The following C10orf90 variants were observed in gnomAD, a reference collection of about 807,000 sequenced individuals.
C10orf90 encodes the protein chromosome 10 open reading frame 90.
A neutral mutation model predicts 62.5 loss-of-function variants in C10orf90; 56 were observed. The ratio of observed to expected loss-of-function variants is 0.90; its 90% CI spans 0.72 to 1.12. C10orf90 has a LOEUF of 1.12. Ranked by LOEUF, C10orf90 falls within the 50% of genes most tolerant of loss-of-function variation. The probability of loss-of-function intolerance (pLI) is 0.00; values close to 1 mark genes in which losing one functional copy is unlikely to be tolerated. For missense variants in C10orf90, 970 were observed against 880.4 expected (o/e 1.10, Z -1.29); for synonymous variants, 386 against 340.4 (o/e 1.13, Z -1.47).
intron 2 of C10orf90, among the ~76,000 whole-genome samples, chr10:126,592,602 C>G (rs11817770): frequency 0.1 from 15,289 of 152,144 alleles, 1,166 homozygotes; most frequent in African/African-American, 0.21. Context: ...AGAAGAAAAC[C>G]TAGGCAATAC....
intron 7 of C10orf90, among the ~76,000 whole-genome samples, chr10:126,448,056 G>C (rs965501734): frequency 8.6e-6 from 1 of 115,832 alleles, no homozygotes; most frequent in African/African-American, 3.3e-5. Flanking sequence ...ATTTTTAGTA[G>C]AGACGGGGTT....
chr10:126,626,134 A>G (rs970259369), intron 2 of C10orf90, among the ~76,000 whole-genome samples: 40 of 151,198 alleles, frequency 2.6e-4, no homozygotes, highest in Non-Finnish European at 4.1e-4. Context: ...ATCTCAAAAA[A>G]AAAAAAAAAA....
chr10:126,650,544 C>A (rs1310164919), intron 1 of C10orf90, among the ~76,000 whole-genome samples: 1 of 152,038 alleles, frequency 6.6e-6, no homozygotes, highest in South Asian at 2.1e-4. Context: ...CAAAGTCACA[C>A]CCCCCTAGTA....
chr10:126,493,142 G>T (rs543795963), intron 4 of C10orf90, among the ~76,000 whole-genome samples: 82 of 147,982 alleles, frequency 5.5e-4, no homozygotes, highest in African/African-American at 1.9e-3. Context: ...TATGTATTTT[G>T]CATAATCCCT....
At chr10:126,529,798 C>T (rs1864045010) in intron 2 of C10orf90, among the ~76,000 whole-genome samples, 1 of 152,170 alleles carries the variant, frequency 6.6e-6, no homozygotes, top group African/African-American at 2.4e-5. Context: ...GGAGAGTAAC[C>T]TGGTCAACAG....
At chr10:126,636,151 A>G (rs1591163256) in intron 2 of C10orf90, among the ~76,000 whole-genome samples, 1 of 152,314 alleles carries the variant, frequency 6.6e-6, no homozygotes, top group African/African-American at 2.4e-5. Context: ...GCTCAAACAC[A>G]GAAATACAAT....
At chr10:126,522,588 T>C (rs1564855458) in intron 2 of C10orf90, 1 of 152,200 alleles carries the variant, frequency 6.6e-6, no homozygotes, top group Non-Finnish European at 1.5e-5. Flanking sequence ...GCATTGCACG[T>C]TTATCATGAG....
intron 2 of C10orf90, among the ~76,000 whole-genome samples, chr10:126,636,106 C>T (rs1845945654): frequency 6.6e-6 from 1 of 152,130 alleles, no homozygotes; most frequent in Non-Finnish European, 1.5e-5. Context: ...AACAATGACA[C>T]CTTTGAACAA....
chr10:126,612,787 T>TG (rs565062475), intron 2 of C10orf90, among the ~76,000 whole-genome samples: 38 of 152,352 alleles, frequency 2.5e-4, no homozygotes, highest in Non-Finnish European at 4.4e-4. Context: ...AAAACTCTTC[T>TG]GTGAAGGATT....
chr10:126,517,767 AG>A (rs1237671830), intron 2 of C10orf90, among the ~76,000 whole-genome samples: 7 of 152,036 alleles, frequency 4.6e-5, no homozygotes, highest in African/African-American at 1.4e-4. Context: ...AAAATTAGCT[AG>A]GCATGATGGT....
intron 4 of C10orf90, among the ~76,000 whole-genome samples, chr10:126,481,963 G>A (rs1008821017): frequency 1.3e-5 from 2 of 152,170 alleles, no homozygotes; most frequent in East Asian, 1.9e-4. Flanking sequence ...TACCTAGGAG[G>A]AAGAAATGCT....
intron 2 of C10orf90, among the ~76,000 whole-genome samples, chr10:126,567,056 G>A (rs777455955): frequency 6.6e-6 from 1 of 152,172 alleles, no homozygotes; most frequent in African/African-American, 2.4e-5. Flanking sequence ...GGAGCTCAGA[G>A]GGGACCCTGC....
At chr10:126,470,082 A>G (rs926044375) in intron 4 of C10orf90, 6 of 453,368 alleles carry the variant, frequency 1.3e-5, no homozygotes, top group Non-Finnish European at 2.2e-5. Context: ...TGCATGTTGC[A>G]TACTGCAGGG....
At chr10:126,631,651 G>T (rs902988121) in intron 2 of C10orf90, among the ~76,000 whole-genome samples, 5 of 151,858 alleles carry the variant, frequency 3.3e-5, no homozygotes, top group African/African-American at 1.2e-4. Flanking sequence ...AGTAAGAGGG[G>T]AACCACCCTT....
At chr10:126,556,660 C>A (rs74158831) in intron 2 of C10orf90, among the ~76,000 whole-genome samples, 1 of 152,030 alleles carries the variant, frequency 6.6e-6, no homozygotes, top group African/African-American at 2.4e-5. Flanking sequence ...AACAAATCAC[C>A]CTTTAAGGGA....
intron 5 of C10orf90, among the ~76,000 whole-genome samples, chr10:126,462,754 A>G (rs1168874960): frequency 5.9e-5 from 9 of 152,026 alleles, no homozygotes; most frequent in South Asian, 4.2e-4. Context: ...TACAACAACT[A>G]CAACTCACCA....
At chr10:126,431,686 C>T (rs779834612) in intron 7 of C10orf90, among the ~76,000 whole-genome samples, 2 of 152,146 alleles carry the variant, frequency 1.3e-5, no homozygotes, top group Non-Finnish European at 2.9e-5. Context: ...GGTAGACAGA[C>T]GGTGTCCTGA....
chr10:126,437,092 A>G (rs952416709), intron 7 of C10orf90, among the ~76,000 whole-genome samples: 8 of 152,188 alleles, frequency 5.3e-5, no homozygotes, highest in Non-Finnish European at 8.8e-5. Context: ...TCATCCTTAC[A>G]GCAACCTACT....
chr10:126,534,860 C>T (rs1441618965), intron 2 of C10orf90, among the ~76,000 whole-genome samples: 1 of 152,144 alleles, frequency 6.6e-6, no homozygotes, highest in Non-Finnish European at 1.5e-5. Flanking sequence ...GCTCTGCACT[C>T]GCATTTGTTT....
Sources: gnomAD v4.1 joint callset for allele counts (sites outside exome capture counted in the v4.1 genomes callset) on GRCh38, gnomAD v4.1.1 for gene constraint, MANE v1.5 for transcripts, NCBI Gene and HGNC (gene_info 2026-07-23, HGNC 2026-07-21) for gene names.